Variants in WDTC1 observed in about 807,000 individuals in gnomAD.
WDTC1 encodes WD and tetratricopeptide repeats protein 1.
A neutral mutation model predicts 76.0 loss-of-function variants in WDTC1; 12 were observed. That is an observed-to-expected ratio of 0.16 (90% CI 0.10 to 0.26). WDTC1 has a LOEUF of 0.26. Among genes scored for constraint, WDTC1 ranks in the 10% least tolerant of loss-of-function variants. WDTC1 has a pLI of 1.00. For synonymous variants in WDTC1, 326 were observed against 350.8 expected (o/e 0.93, Z 0.79); for missense variants, 511 against 908.8 (o/e 0.56, Z 5.63).
intron 5 of WDTC1, among the ~76,000 whole-genome samples, chr1:27,283,696 G>A (rs2013256721): frequency 6.6e-6 from 1 of 152,118 alleles, no homozygotes; most frequent in Non-Finnish European, 1.5e-5. Flanking sequence ...AGTGGTGGGG[G>A]TATGGTTCTG....
chr1:27,304,835 G>C, intron 14 of WDTC1, 166 bp from the exon 15 acceptor site: 1 of 644,426 alleles, frequency 1.6e-6, no homozygotes, highest in Non-Finnish European at 2.6e-6. Context: ...ACAGTGACCA[G>C]GGCTATATAC....
chr1:27,284,758 CT>C (rs961708066), intron 5 of WDTC1, among the ~76,000 whole-genome samples: 2 of 147,664 alleles, frequency 1.4e-5, no homozygotes, highest in African/African-American at 5.0e-5. Context: ...TCAGCCTCCT[CT>C]TCTATTTAAA....
At chr1:27,245,227 C>T (rs1336704853) in intron 1 of WDTC1, among the ~76,000 whole-genome samples, 1 of 151,774 alleles carries the variant, frequency 6.6e-6, no homozygotes, top group African/African-American at 2.4e-5. Flanking sequence ...TTCTAACTTC[C>T]TAAAAGGATT....
chr1:27,249,179 G>GA (rs1270261605), intron 1 of WDTC1, among the ~76,000 whole-genome samples: 4 of 150,556 alleles, frequency 2.7e-5, no homozygotes, highest in Non-Finnish European at 5.9e-5. Flanking sequence ...TGAGGCATGA[G>GA]AATCACTTGA....
chr1:27,241,819 A>T (rs2011636752), intron 1 of WDTC1, among the ~76,000 whole-genome samples: 1 of 152,204 alleles, frequency 6.6e-6, no homozygotes, highest in African/African-American at 2.4e-5. Flanking sequence ...ACTGGAAAAC[A>T]AAGTTCTGAA....
At position 27,301,128 on chromosome 1, in the gene WDTC1, G is replaced by A; in HGVS notation, c.1233-98G>A. 3.9e-6 allele frequency: 4 copies of A among 1,029,820 alleles called. No homozygotes were observed. The highest frequency in any genetic ancestry group is 5.8e-6 in the Non-Finnish European group (4 of 689,328). The allele number at this position is 1,029,820 out of a possible 1,614,324, so 63.8% of individuals were successfully genotyped here. On this transcript the variant is annotated intron_variant, in intron 12 of 15. Transcript: ENST00000319394. The surrounding 1 kb of genome is among the most constrained non-coding windows in gnomAD (Gnocchi z 5.8). ...CCCCTTGCCATGAGATCTGTCAGTG[G>A]TGGGCTGGGGTGGCCACAGGAAGCA...
chr1:27,274,914 C>G lies in WDTC1; in HGVS notation c.133-7325C>G, dbSNP rs2012977878. Among the ~76,000 whole-genome samples, 1 of 152,198 alleles carries G rather than the reference C, an allele frequency of 6.6e-6. No individual in the cohort carries two copies. The highest frequency in any genetic ancestry group is 2.4e-5 in the African/African-American group (1 of 41,446). ...GGTAGAGAGAAGAAGAAAGGAATCT[C>G]ACTTTACAAATCAGAGTAAAACTCA... On this transcript the variant is annotated intron_variant, in intron 3 of 15. Transcript: ENST00000319394. The surrounding 1 kb of genome is among the most constrained non-coding windows in gnomAD (Gnocchi z 4.2).
intron 3 of WDTC1, among the ~76,000 whole-genome samples, chr1:27,273,190 ATTTTCTTTTTC>A (rs2012920005): frequency 7.4e-6 from 1 of 135,160 alleles, no homozygotes; most frequent in Non-Finnish European, 1.6e-5. Context: ...AAAATGACTA[ATTTTCTTTTTC>A]TTTTCTTTTT....
In WDTC1 at chr1:27,303,847, G is replaced by A. The variant is rs1321079469; in HGVS notation, c.1643+52G>A. ...AGCCCAGTTGGCAGCGGGAGGTTGAGTGGGGAGTGTTGGGGCATAATGGTT... is the reference window on the plus strand; with the variant it reads ...AGCCCAGTTGGCAGCGGGAGGTTGAATGGGGAGTGTTGGGGCATAATGGTT... On this transcript the variant is annotated intron_variant, in intron 14 of 15. Coordinates refer to ENST00000319394, the MANE Select transcript of WDTC1 (RefSeq NM_001276252.2). The surrounding 1 kb of genome is among the most constrained non-coding windows in gnomAD (Gnocchi z 4.8). 2 of 1,603,916 alleles carry A rather than the reference G, an allele frequency of 1.2e-6. No individual in the cohort carries two copies. Among genetic ancestry groups the A allele is most frequent in the Non-Finnish European group, 1.7e-6 (2 of 1,175,006 alleles).
At chr1:27,246,451 C>T (rs1016905738) in intron 1 of WDTC1, among the ~76,000 whole-genome samples, 4 of 152,256 alleles carry the variant, frequency 2.6e-5, no homozygotes, top group African/African-American at 7.2e-5. Context: ...GATATTAACA[C>T]ATTATATTTA....
intron 1 of WDTC1, among the ~76,000 whole-genome samples, chr1:27,242,492 G>A (rs889776017): frequency 6.6e-6 from 1 of 151,354 alleles, no homozygotes; most frequent in Non-Finnish European, 1.5e-5. Flanking sequence ...AGACGGAGAC[G>A]GAGTTTCGCT....
chr1:27,286,003 T>G (rs1259342808), intron 5 of WDTC1, among the ~76,000 whole-genome samples: 2 of 140,816 alleles, frequency 1.4e-5, no homozygotes, highest in South Asian at 2.4e-4. Flanking sequence ...GTGGTTTTTT[T>G]TTTTTTTTTT....
chr1:27,296,930 G>T, intron 10 of WDTC1, 118 bp from the exon 11 acceptor site: 1 of 896,360 alleles, frequency 1.1e-6, no homozygotes, highest in Non-Finnish European at 1.8e-6. Flanking sequence ...ATCTTACTCT[G>T]GGAGAACAGT....
intron 3 of WDTC1, among the ~76,000 whole-genome samples, chr1:27,279,288 C>G (rs560100652): frequency 6.6e-6 from 1 of 152,180 alleles, no homozygotes; most frequent in African/African-American, 2.4e-5. Context: ...AATCCCAGCA[C>G]TTTGAGAGGC....
In WDTC1 at chr1:27,303,729, A is replaced by G. The variant is rs1474164894; in HGVS notation, c.1577A>G (p.Tyr526Cys). ...GTGCTGCGGGAGCGAAGCTACGACT[A>G]TCAGTTCCGCTACTGCGGCCACTGC... The part of the protein sequence containing the change: ...EMVLRERSYD[Y>C]QFRYCGHCNT... Residue 526 changes from tyrosine (Y) to cysteine (C), a missense_variant, in exon 14 of 16, where the codon TAT becomes TGT. Coordinates refer to ENST00000319394, the MANE Select transcript of WDTC1 (RefSeq NM_001276252.2). This position sits in a 1 kb window ranked among gnomAD's most constrained non-coding sequence, Gnocchi z 4.8. 2.5e-6 allele frequency: 4 copies of G among 1,614,164 alleles called. No homozygotes were observed. The highest frequency in any genetic ancestry group is 3.4e-6 in the Non-Finnish European group (4 of 1,180,002).
In WDTC1 at chr1:27,294,586, G is replaced by A. The variant is rs749981509; in HGVS notation, c.830G>A (p.Ser277Asn). The change falls in exon 9 of 16, where the codon AGC becomes AAC. Residue 277 changes from serine (S) to asparagine (N), a missense_variant. Transcript: ENST00000319394. Reference protein sequence around the residue: ...RVLVATYVTFSPNGTELLVNM... With the variant: ...RVLVATYVTFNPNGTELLVNM... Reference sequence around the variant, plus strand: ...CTGGTTGCCACCTATGTGACCTTCAGCCCCAATGGCACAGAGCTACTAGTC... The same window carrying A: ...CTGGTTGCCACCTATGTGACCTTCAACCCCAATGGCACAGAGCTACTAGTC... 2.6e-5 allele frequency: 42 copies of A among 1,614,008 alleles called. No homozygotes were observed. The Admixed American group carries it at 7.0e-4, about 27-fold the overall frequency.
chr1:27,270,700 T>C (rs1367159667), intron 3 of WDTC1, among the ~76,000 whole-genome samples: 4 of 151,918 alleles, frequency 2.6e-5, no homozygotes, highest in Non-Finnish European at 5.9e-5. Flanking sequence ...CCTCAAAAAA[T>C]TAAAAATTAA....
chr1:27,261,136 G>T (rs1389793726), intron 2 of WDTC1, 34 bp downstream of exon 2: 2 of 1,612,696 alleles, frequency 1.2e-6, no homozygotes, highest in African/African-American at 2.7e-5. Flanking sequence ...CAGATCATGA[G>T]ATCTTTTCTT....
At chr1:27,292,940 C>T (rs538874376) in intron 7 of WDTC1, among the ~76,000 whole-genome samples, 222 of 148,878 alleles carry the variant, frequency 1.5e-3, no homozygotes, top group Non-Finnish European at 2.6e-3. Flanking sequence ...TTAGTAGAGA[C>T]GGGGTTTCAC....
Sources: allele counts gnomAD v4.1 joint callset (sites outside exome capture counted in the v4.1 genomes callset), GRCh38; gene constraint gnomAD v4.1.1; non-coding constraint Gnocchi (gnomAD v3.1); transcripts MANE v1.5; gene names NCBI Gene and HGNC (gene_info 2026-07-23, HGNC 2026-07-21).